The following TRERF1 variants were observed in gnomAD, a reference collection of about 807,000 sequenced individuals.
TRERF1 encodes transcriptional regulating factor 1.
Under a neutral mutation model 122.9 loss-of-function variants are expected in TRERF1, and 27 were observed. The ratio of observed to expected loss-of-function variants is 0.22; its 90% confidence interval spans 0.16 to 0.30. The LOEUF (loss-of-function observed/expected upper bound fraction) is 0.30. TRERF1 is among the 10% of genes least tolerant of loss of function. The pLI is 1.00. For missense variants in TRERF1, 1,248 were observed against 1,560.3 expected, an observed-to-expected ratio of 0.80 and a Z score of 3.37; for synonymous variants, 636 against 641.7, an observed-to-expected ratio of 0.99 and a Z score of 0.13.
intron 3 of TRERF1, among the ~76,000 whole-genome samples, chr6:42,327,223 CA>C (rs956815252): frequency 2.0e-5 from 3 of 152,172 alleles, no homozygotes; most frequent in Non-Finnish European, 4.4e-5. Context: ...TAAGTATACC[CA>C]GTGACATCCT....
At chr6:42,407,184 A>T (rs1190417562) in intron 2 of TRERF1, among the ~76,000 whole-genome samples, 2 of 152,202 alleles carry the variant, frequency 1.3e-5, no homozygotes, top group Non-Finnish European at 2.9e-5. Context: ...TTTCAACTGC[A>T]TGGTAAATCT....
At chr6:42,426,007 C>A (rs762001244) in intron 2 of TRERF1, among the ~76,000 whole-genome samples, 1 of 152,150 alleles carries the variant, frequency 6.6e-6, no homozygotes, top group African/African-American at 2.4e-5. Context: ...CTGTCCCTTA[C>A]ATTTGCACTG....
At chr6:42,381,416 T>C (rs1374096611) in intron 2 of TRERF1, among the ~76,000 whole-genome samples, 1 of 151,748 alleles carries the variant, frequency 6.6e-6, no homozygotes, top group Non-Finnish European at 1.5e-5. Flanking sequence ...CCCTAGCCAT[T>C]AACCTATCTG....
intron 4 of TRERF1, among the ~76,000 whole-genome samples, chr6:42,273,904 T>C (rs932242754): frequency 2.6e-5 from 4 of 152,260 alleles, no homozygotes; most frequent in South Asian, 2.1e-4. Flanking sequence ...GTGGGTAGAA[T>C]GGAAGCTAGA....
At chr6:42,432,741 G>A (rs1438873905) in intron 2 of TRERF1, among the ~76,000 whole-genome samples, 1 of 151,904 alleles carries the variant, frequency 6.6e-6, no homozygotes, top group East Asian at 1.9e-4. Context: ...TACTCAGGAG[G>A]CTGAAGCAGG....
intron 3 of TRERF1, 62 bp from the exon 4 acceptor site, chr6:42,300,811 C>T (rs1786024769): frequency 6.6e-6 from 1 of 152,556 alleles, no homozygotes; most frequent in African/African-American, 2.4e-5. Context: ...TCTTCATCAC[C>T]ATCCTGCAGA....
At chr6:42,428,163 G>A (rs1206226916) in intron 2 of TRERF1, among the ~76,000 whole-genome samples, 3 of 152,198 alleles carry the variant, frequency 2.0e-5, no homozygotes, top group Non-Finnish European at 4.4e-5. Flanking sequence ...TAAGCTACAG[G>A]CCCAGACTGA....
chr6:42,290,026 C>A (rs923377368), intron 4 of TRERF1, among the ~76,000 whole-genome samples: 2 of 152,176 alleles, frequency 1.3e-5, no homozygotes, highest in South Asian at 2.1e-4. Flanking sequence ...GGAGCTGTCA[C>A]CGTGGCAGCT....
chr6:42,379,354 C>T (rs949643817), intron 2 of TRERF1, among the ~76,000 whole-genome samples: 3 of 152,076 alleles, frequency 2.0e-5, no homozygotes, highest in Non-Finnish European at 4.4e-5. Context: ...CACCCCAGCC[C>T]ACTGTGTCCT....
chr6:42,360,770 TTAAAA>T (rs1270765846), intron 3 of TRERF1, among the ~76,000 whole-genome samples: 16 of 64,092 alleles, frequency 2.5e-4, no homozygotes, highest in East Asian at 2.2e-3. Context: ...AGTGGAGAGA[TTAAAA>T]AAAAAAAAAA....
chr6:42,292,674 G>A (rs958744690), intron 4 of TRERF1, among the ~76,000 whole-genome samples: 15 of 152,190 alleles, frequency 9.9e-5, no homozygotes, highest in African/African-American at 3.4e-4. Context: ...TACTGGTAAC[G>A]AAGGTGGTTT....
At position 42,403,053 on chromosome 6, in the gene TRERF1, G is replaced by T. The variant is rs142166658; in HGVS notation, c.-453-39974C>A. On this transcript the variant is annotated intron_variant, in intron 2 of 17. Coordinates refer to ENST00000372922, the Ensembl canonical transcript of TRERF1. ...GCCTAGTTAGGACAGGGACAATAAA[G>T]AAAGTATTGGGGTGCAAAAAAGAAA... 3.3e-3 allele frequency among the ~76,000 whole-genome samples: 499 copies of T among 152,262 alleles called. 1 individual carries two copies. The highest frequency in any genetic ancestry group is 6.2e-3 in the Non-Finnish European group (420 of 68,020).
chr6:42,246,605 G>C, intron 13 of TRERF1, 61 bp from the exon 14 acceptor site: 1 of 1,214,172 alleles, frequency 8.2e-7, no homozygotes, highest in East Asian at 2.4e-5. Context: ...TTAGTTGCTG[G>C]TTCATTTAGT....
intron 13 of TRERF1, among the ~76,000 whole-genome samples, chr6:42,250,992 C>CTTTTTTTT (rs70987586): frequency 1.4e-4 from 14 of 97,596 alleles, no homozygotes; most frequent in Non-Finnish European, 1.8e-4. Context: ...TCTTTTGCTT[C>CTTTTTTTT]TTTTTTTTTT....
chr6:42,248,596 C>T (rs1775208524), intron 13 of TRERF1, among the ~76,000 whole-genome samples: 1 of 152,192 alleles, frequency 6.6e-6, no homozygotes, highest in South Asian at 2.1e-4. Flanking sequence ...AAGTGATCCG[C>T]TTGCCTCAGC....
At chr6:42,385,040 C>T (rs1425856965) in intron 2 of TRERF1, among the ~76,000 whole-genome samples, 1 of 152,044 alleles carries the variant, frequency 6.6e-6, no homozygotes, top group Non-Finnish European at 1.5e-5. Flanking sequence ...TGCAGTGGTG[C>T]GATCTCGGCT....
At chr6:42,364,627 C>T (rs1033866460) in intron 2 of TRERF1, among the ~76,000 whole-genome samples, 2 of 152,180 alleles carry the variant, frequency 1.3e-5, no homozygotes, top group Non-Finnish European at 2.9e-5. Flanking sequence ...CTGAAGTGTC[C>T]GTTGTGTGTG....
chr6:42,431,076 A>G (rs1784432166), intron 2 of TRERF1, among the ~76,000 whole-genome samples: 1 of 151,446 alleles, frequency 6.6e-6, no homozygotes, highest in Non-Finnish European at 1.5e-5. Flanking sequence ...AAAAAAAAAG[A>G]AAAGAAAAGA....
intron 13 of TRERF1, among the ~76,000 whole-genome samples, chr6:42,248,480 G>A (rs1489790699): frequency 2.0e-5 from 3 of 152,004 alleles, no homozygotes; most frequent in Non-Finnish European, 4.4e-5. Context: ...AGCCTCCTGA[G>A]TAGATGAGAT....
Sources: allele counts gnomAD v4.1 joint callset (sites outside exome capture counted in the v4.1 genomes callset), GRCh38; gene constraint gnomAD v4.1.1; transcripts MANE v1.5; gene names NCBI Gene and HGNC (gene_info 2026-07-23, HGNC 2026-07-21).